Variants in FBXO11 observed in about 807,000 individuals in gnomAD.
The protein encoded by FBXO11 is F-box protein 11, also known as F-box only protein 11.
FBXO11 carries 13 observed loss-of-function variants against 117.0 expected under a neutral mutation model. The observed-to-expected ratio is 0.11, with a 90% CI of 0.07 to 0.18. The LOEUF is 0.18. Ranked by LOEUF, FBXO11 falls within the 10% of genes least tolerant of loss-of-function variation. FBXO11 has a pLI of 1.00. For missense variants in FBXO11, 767 were observed against 1,164.4 expected, an observed-to-expected ratio of 0.66 and a Z score of 4.97; for synonymous variants, 490 against 380.5, an observed-to-expected ratio of 1.29 and a Z score of -3.35.
chr2:47,905,464 C>A, intron 1 of FBXO11, 25 bp downstream of exon 1: 10 of 1,215,724 alleles, frequency 8.2e-6, no homozygotes, highest in Non-Finnish European at 9.2e-6. Context: ...GGAAGGCGGG[C>A]GGTTGGGAGG....
At chr2:47,815,948 G>A (rs1670975422) in intron 16 of FBXO11, among the ~76,000 whole-genome samples, 1 of 152,132 alleles carries the variant, frequency 6.6e-6, no homozygotes, top group African/African-American at 2.4e-5. Flanking sequence ...CATGGCCCAC[G>A]CTGGCCTCAT....
intron 1 of FBXO11, among the ~76,000 whole-genome samples, chr2:47,894,926 A>T (rs1677545033): frequency 6.6e-6 from 1 of 152,162 alleles, no homozygotes; most frequent in African/African-American, 2.4e-5. Flanking sequence ...TGTAAGCCTC[A>T]AGACTGAACT....
chr2:47,877,317 G>T (rs1186211777), intron 1 of FBXO11, among the ~76,000 whole-genome samples: 1 of 151,906 alleles, frequency 6.6e-6, no homozygotes, highest in African/African-American at 2.4e-5. Context: ...CTTTAAAATT[G>T]TTCTATTATT....
rs760614996 is a variant in FBXO11 at position 47,823,149 on chromosome 2, G to A, written c.1610C>T (p.Thr537Ile). The stretch of plus-strand genomic sequence containing the variant: ...CATAATTATATGTAAATACCTTATT[G>A]TTGGGTCACTATTTGAGGTAATCCA... ...GVWITSNSDP[T>I]IRGNSIFNGN... Residue 537 changes from threonine (T) to isoleucine (I), a missense_variant, in exon 12 of 23, where the codon ACA becomes ATA. Thr to Ile is a moderately conservative substitution (Grantham distance 89, BLOSUM62 -1). This residue lies in a region of FBXO11 where 67 missense variants were observed against 148.8 expected (regional missense o/e 0.45). Transcript: ENST00000403359. 1 of 1,607,272 alleles carries A rather than the reference G, an allele frequency of 6.2e-7. No individual in the cohort carries two copies. The highest frequency in any genetic ancestry group is 1.1e-5 in the South Asian group (1 of 90,106).
chr2:47,820,255 T>C (rs1229173594), intron 14 of FBXO11, 107 bp downstream of exon 14: 3 of 650,848 alleles, frequency 4.6e-6, no homozygotes, highest in African/African-American at 1.8e-5. Flanking sequence ...AGTCACAAAT[T>C]CATACCTCAA....
intron 1 of FBXO11, among the ~76,000 whole-genome samples, chr2:47,848,535 TA>T (rs1036459312): frequency 6.6e-6 from 1 of 152,198 alleles, no homozygotes; most frequent in Admixed American, 6.5e-5. Flanking sequence ...ACCACTGTCT[TA>T]AAGGATAAAA....
chr2:47,842,920 G>A (rs376626884), intron 1 of FBXO11, among the ~76,000 whole-genome samples: 3 of 152,224 alleles, frequency 2.0e-5, no homozygotes, highest in East Asian at 3.9e-4. Flanking sequence ...AGCTGGAACT[G>A]CAGATGTGAA....
In FBXO11 at chr2:47,814,235, C is replaced by T. The variant is rs147720857; in HGVS notation, c.2007-368G>A. The T allele has an allele frequency of 7.2e-4, 141 of 196,746 alleles. 2 individuals carry two copies. The highest frequency in any genetic ancestry group is 4.2e-3 in the South Asian group (43 of 10,220). 12.2% of individuals were successfully genotyped at this position (196,746 alleles called of 1,614,324 possible). Reference sequence around the variant, plus strand: ...AAGCGAGTATTGCAATAAAGAGAGTCGCATCAATTTTTTGGTTTACATTAT... The same window carrying T: ...AAGCGAGTATTGCAATAAAGAGAGTTGCATCAATTTTTTGGTTTACATTAT... On this transcript the variant is annotated intron_variant, in intron 16 of 22. Transcript: ENST00000403359.
At chr2:47,856,420 C>A (rs1200956102) in intron 1 of FBXO11, among the ~76,000 whole-genome samples, 1 of 151,998 alleles carries the variant, frequency 6.6e-6, no homozygotes, top group African/African-American at 2.4e-5. Context: ...GAGAAGGAAT[C>A]CCATGATAAA....
At chr2:47,830,387 C>A (rs1672090770) in intron 11 of FBXO11, among the ~76,000 whole-genome samples, 1 of 151,376 alleles carries the variant, frequency 6.6e-6, no homozygotes, top group Non-Finnish European at 1.5e-5. Context: ...TTAAAAAAAA[C>A]AAACAAAAAA....
chr2:47,866,996 A>G (rs1335455854), intron 1 of FBXO11, among the ~76,000 whole-genome samples: 3 of 152,208 alleles, frequency 2.0e-5, no homozygotes, highest in African/African-American at 7.2e-5. Flanking sequence ...CTAAGAATTA[A>G]GGCCCTCTGA....
Position 47,875,306 on chromosome 2 carries a change from C to T in FBXO11, c.232+30183G>A, listed in dbSNP as rs574177356. ...ATAGTCACATGTGGCAAGTGGCTAC[C>T]ATATTGGACAACTTAGGTCTAGAGT... On this transcript the variant is annotated intron_variant, in intron 1 of 22. Coordinates refer to ENST00000403359, the MANE Select transcript of FBXO11 (RefSeq NM_001190274.2). Among the ~76,000 whole-genome samples the T allele has an allele frequency of 1.4e-4, 21 of 152,104 alleles. No homozygotes were observed. The East Asian group carries it at 3.9e-3, about 28-fold the overall frequency.
At chr2:47,851,401 T>G (rs1181909700) in intron 1 of FBXO11, among the ~76,000 whole-genome samples, 1 of 152,052 alleles carries the variant, frequency 6.6e-6, no homozygotes, top group East Asian at 1.9e-4. Context: ...TGGCTAATTT[T>G]TGTATTTAGT....
Position 47,899,261 on chromosome 2 carries a change from A to G in FBXO11, c.232+6228T>C, listed in dbSNP as rs552903689. Reference sequence around the variant, plus strand: ...TGTACTCCAGCCTGGGCGACAGAGCAAGACTCCGTCTCAAAAAAAAAAAAA... The same window carrying G: ...TGTACTCCAGCCTGGGCGACAGAGCGAGACTCCGTCTCAAAAAAAAAAAAA... On this transcript the variant is annotated intron_variant, in intron 1 of 22. Coordinates refer to ENST00000403359, the MANE Select transcript of FBXO11 (RefSeq NM_001190274.2). Among the ~76,000 whole-genome samples, 5 of 149,360 alleles carry G rather than the reference A, an allele frequency of 3.3e-5. No individual in the cohort carries two copies. In the East Asian group the frequency reaches 5.9e-4, roughly 18 times the overall value.
chr2:47,862,660 A>C (rs1285156598), intron 1 of FBXO11, among the ~76,000 whole-genome samples: 1 of 152,178 alleles, frequency 6.6e-6, no homozygotes, highest in Non-Finnish European at 1.5e-5. Context: ...CTCTCTCTGG[A>C]TCATCTTTTA....
chr2:47,904,631 C>T (rs1678604650), intron 1 of FBXO11, among the ~76,000 whole-genome samples: 1 of 150,190 alleles, frequency 6.7e-6, no homozygotes, highest in African/African-American at 2.5e-5. Flanking sequence ...CAAAATATCC[C>T]AAGGGGCCAG....
At chr2:47,886,861 C>A (rs1190021231) in intron 1 of FBXO11, among the ~76,000 whole-genome samples, 2 of 152,128 alleles carry the variant, frequency 1.3e-5, no homozygotes, top group Middle Eastern at 3.2e-3. Context: ...CAATGAGACC[C>A]CTGTCTCTAC....
Position 47,807,557 on chromosome 2 carries a change from G to A in FBXO11, c.*561C>T, listed in dbSNP as rs1670307651. The A allele has an allele frequency of 4.7e-6, 1 of 214,170 alleles. No homozygotes were observed. The highest frequency in any genetic ancestry group is 5.7e-5 in the Admixed American group (1 of 17,406). 13.3% of individuals were successfully genotyped at this position (214,170 alleles called of 1,614,324 possible). A position where few individuals can be genotyped will look rare whatever the true frequency, so the allele number is the denominator to read the frequency against. Reference sequence around the variant, plus strand: ...GAGTACAGTTACAGCAAGTCTAGGTGTGCTAACAAAACAGGGCACATTCAA... The same window carrying A: ...GAGTACAGTTACAGCAAGTCTAGGTATGCTAACAAAACAGGGCACATTCAA... On this transcript the variant is annotated 3_prime_UTR_variant, in exon 23 of 23. Transcript: ENST00000403359.
intron 1 of FBXO11, among the ~76,000 whole-genome samples, chr2:47,887,159 C>A (rs765244010): frequency 5.3e-5 from 8 of 151,960 alleles, no homozygotes; most frequent in Non-Finnish European, 7.4e-5. Context: ...GTGGCGCATA[C>A]CTGTAATCCC....
Sources: gnomAD v4.1 joint callset for allele counts (sites outside exome capture counted in the v4.1 genomes callset) on GRCh38, gnomAD v4.1.1 for gene constraint, gnomAD v4.1.1 regional missense constraint, MANE v1.5 for transcripts, NCBI Gene and HGNC (gene_info 2026-07-23, HGNC 2026-07-21) for gene names.